The following SFI1 variants were observed in gnomAD, a reference collection of about 807,000 sequenced individuals.
SFI1 encodes the protein SFI1 centrin binding protein.
Under a neutral mutation model 207.5 loss-of-function variants are expected in SFI1, and 195 were observed. The observed-to-expected ratio is 0.94, with a 90% CI of 0.84 to 1.06. The LOEUF (loss-of-function observed/expected upper bound fraction) is 1.06. SFI1 is among the 50% of genes least tolerant of loss of function. SFI1 has a pLI of 0.00. For synonymous variants in SFI1, 630 were observed against 598.9 expected (o/e 1.05, Z -0.76); for missense variants, 1,634 against 1,588.0 (o/e 1.03, Z -0.49).
chr22:31,541,249 T>C (rs2059458805), intron 4 of SFI1, among the ~76,000 whole-genome samples: 1 of 152,124 alleles, frequency 6.6e-6, no homozygotes, highest in Non-Finnish European at 1.5e-5. Context: ...TTCTCTCCTT[T>C]ATCTGGTGAT....
rs1455053344 is a variant in SFI1, at chr22:31,602,665, AG to A, written c.1687del (p.Ala563GlnfsTer77). On this transcript the variant is annotated frameshift_variant, in exon 17 of 33. Coordinates refer to ENST00000400288, the MANE Select transcript of SFI1 (RefSeq NM_001007467.3). LOFTEE classifies it high-confidence loss of function. ...AGGTCTTGGTTCATGTGGCACCAGC[AG>A]GCAGCAGCACGTCACCAGGAGCAGG... ...LYRSWFMWHQ[Q>X]AAARHQEQEW... The A allele has an allele frequency of 6.2e-7, 1 of 1,614,208 alleles. No individual in the cohort carries two copies. Among genetic ancestry groups the A allele is most frequent in the African/African-American group, 1.3e-5 (1 of 75,046 alleles).
In SFI1 at chr22:31,508,378, T is replaced by C; in HGVS notation, c.92+2T>C. 6.2e-7 allele frequency: 1 copy of C among 1,604,444 alleles called. No individual in the cohort carries two copies. Among genetic ancestry groups the C allele is most frequent in the South Asian group, 1.1e-5 (1 of 90,494 alleles). On this transcript the variant is annotated splice_donor_variant, in intron 2 of 32. Transcript: ENST00000400288. LOFTEE classifies it high-confidence loss of function. The stretch of plus-strand genomic sequence containing the variant: ...AATGGAGAAGAAGGTTGATTCCAGG[T>C]GAGTGATGGGACTTGAGAAAAAAAT...
chr22:31,553,098 C>G (rs1248481708), intron 6 of SFI1, among the ~76,000 whole-genome samples: 1 of 152,138 alleles, frequency 6.6e-6, no homozygotes, highest in Non-Finnish European at 1.5e-5. Context: ...CTTCCTCAGC[C>G]TCCAAAAGTG....
rs1300730429 is a variant in SFI1, at chr22:31,592,829, C to T, written c.1544+3252C>T. On this transcript the variant is annotated intron_variant, in intron 15 of 32. Transcript: ENST00000400288. Reference sequence around the variant, plus strand: ...AGGGCTGACCCCCCCACCTCCCTCCCGGACGGGGCGGCTGGCCAGGCGGGG... The same window carrying T: ...AGGGCTGACCCCCCCACCTCCCTCCTGGACGGGGCGGCTGGCCAGGCGGGG... Among the ~76,000 whole-genome samples the T allele has an allele frequency of 1.0e-3, 140 of 139,688 alleles. 2 individuals carry two copies. Among genetic ancestry groups the T allele is most frequent in the Middle Eastern group, 4.0e-3 (1 of 250 alleles). 91.6% of individuals were successfully genotyped at this position (139,688 alleles called of 152,430 possible).
At chr22:31,496,336 G>T (rs146048921), upstream of SFI1, 3 of 152,394 alleles carry the variant, frequency 2.0e-5, no homozygotes, top group Admixed American at 6.5e-5. Flanking sequence ...CGGTGGGGAT[G>T]CCCAGAGGGT....
chr22:31,501,001 A>T (rs1318025230), intron 1 of SFI1, among the ~76,000 whole-genome samples: 2 of 144,178 alleles, frequency 1.4e-5, no homozygotes, highest in Non-Finnish European at 3.0e-5. Context: ...GTTTCACCAT[A>T]TTGGCCAGGC....
chr22:31,604,346 T>TG lies in SFI1; in HGVS notation c.1920dup (p.Arg641AlafsTer61). ...CGGGGAGCGGAGCGGCAGAAGCTGA[T>TG]GCGAGCAGACCTGCACCACCAGCAC... On this transcript the variant is annotated frameshift_variant, in exon 19 of 33. Transcript: ENST00000400288. LOFTEE classifies it high-confidence loss of function. 4 of 1,580,756 alleles carry TG rather than the reference T, an allele frequency of 2.5e-6. No homozygotes were observed. Among genetic ancestry groups the TG allele is most frequent in the Non-Finnish European group, 3.4e-6 (4 of 1,165,500 alleles).
chr22:31,502,605 C>G (rs2053977765), intron 1 of SFI1, among the ~76,000 whole-genome samples: 1 of 152,010 alleles, frequency 6.6e-6, no homozygotes, highest in African/African-American at 2.4e-5. Context: ...AACTCCTGAC[C>G]TTAGGTGATC....
chr22:31,547,876 C>G (rs2060242464), intron 5 of SFI1, among the ~76,000 whole-genome samples: 1 of 150,038 alleles, frequency 6.7e-6, no homozygotes, highest in Admixed American at 6.6e-5. Context: ...TCCCAAAGTG[C>G]TGGGATTACA....
chr22:31,611,086 T>C, intron 22 of SFI1, 57 bp from the exon 23 acceptor site: 1 of 1,606,240 alleles, frequency 6.2e-7, no homozygotes. Context: ...TTCACCATTA[T>C]GTAGTCACTG....
intron 8 of SFI1, among the ~76,000 whole-genome samples, chr22:31,571,511 C>T (rs539993563): frequency 1.3e-5 from 2 of 150,722 alleles, no homozygotes; most frequent in Non-Finnish European, 3.0e-5. Flanking sequence ...GACAGAGTTT[C>T]GCCATGTTTC....
intron 2 of SFI1, among the ~76,000 whole-genome samples, chr22:31,524,071 G>T (rs1052831984): frequency 2.6e-5 from 4 of 151,494 alleles, no homozygotes; most frequent in Non-Finnish European, 5.9e-5. Context: ...GCTTGGTGGC[G>T]TGCACCTGTA....
chr22:31,605,802 T>C (rs141398867), intron 20 of SFI1: 1,659 of 153,672 alleles, frequency 0.011, 9 homozygotes, highest in Middle Eastern at 0.03. Flanking sequence ...GAGCCGTGAT[T>C]ATGCCACTGC....
intron 22 of SFI1, among the ~76,000 whole-genome samples, chr22:31,608,330 G>A (rs372384935): frequency 5.8e-4 from 88 of 152,284 alleles, no homozygotes; most frequent in East Asian, 1.7e-3. Flanking sequence ...TTTCCTGGAC[G>A]TGTAGACCCA....
chr22:31,612,398 A>AAAAAAAAT (rs1556369798), intron 24 of SFI1: 16 of 60,200 alleles, frequency 2.7e-4, no homozygotes, highest in African/African-American at 1.0e-3. Flanking sequence ...AAAAAAAAAA[A>AAAAAAAAT]ATATATATAT....
intron 15 of SFI1, among the ~76,000 whole-genome samples, chr22:31,600,928 C>T (rs1161374161): frequency 6.6e-6 from 1 of 152,192 alleles, no homozygotes; most frequent in Non-Finnish European, 1.5e-5. Flanking sequence ...AGTGATGTGT[C>T]TTGCGTGTTA....
intron 4 of SFI1, among the ~76,000 whole-genome samples, chr22:31,531,445 A>G (rs1395491036): frequency 6.6e-6 from 1 of 152,226 alleles, no homozygotes; most frequent in Non-Finnish European, 1.5e-5. Flanking sequence ...AAAGAAAAAA[A>G]AATAACAAGC....
At chr22:31,557,801 C>G (rs891253298) in intron 7 of SFI1, among the ~76,000 whole-genome samples, 3 of 152,180 alleles carry the variant, frequency 2.0e-5, no homozygotes, top group African/African-American at 7.2e-5. Flanking sequence ...CACCCATGCT[C>G]TTAACTGGTC....
At chr22:31,520,707 C>A (rs2147065168) in intron 2 of SFI1, among the ~76,000 whole-genome samples, 1 of 152,038 alleles carries the variant, frequency 6.6e-6, no homozygotes, top group East Asian at 1.9e-4. Context: ...AAATCCACTA[C>A]TTCCATTTGG....
Sources: gnomAD v4.1 joint callset for allele counts (sites outside exome capture counted in the v4.1 genomes callset) on GRCh38, gnomAD v4.1.1 for gene constraint, MANE v1.5 for transcripts, NCBI Gene and HGNC (gene_info 2026-07-23, HGNC 2026-07-21) for gene names.